Variants in PRKD1 observed in about 807,000 individuals in gnomAD.
The protein encoded by PRKD1 is protein kinase D1, also known as serine/threonine-protein kinase D1.
Under a neutral mutation model 95.9 loss-of-function variants are expected in PRKD1, and 63 were observed. The observed-to-expected ratio is 0.66, with a 90% confidence interval of 0.54 to 0.81. The LOEUF (loss-of-function observed/expected upper bound fraction) is 0.81. PRKD1 is among the 30% of genes least tolerant of loss of function. PRKD1 has a pLI of 0.00. For synonymous variants in PRKD1, 425 were observed against 423.1 expected (o/e 1.00, Z -0.05); for missense variants, 1,048 against 1,165.3 (o/e 0.90, Z 1.47).
At position 29,725,571 on chromosome 14, in the gene PRKD1, A is replaced by G. The variant is rs1213669408; in HGVS notation, c.368T>C (p.Ile123Thr). Residue 123 changes from isoleucine to threonine, a missense_variant, in exon 2 of 18, where the codon ATC becomes ACC. Physicochemically the swap from Ile to Thr is moderately conservative, Grantham distance 89. Around this residue, in one of 3 missense-constraint regions of PRKD1, gnomAD observed 275 missense variants for 248.6 expected, o/e 1.11. Transcript: ENST00000331968. The part of the protein sequence containing the change: ...ILQLVKAASD[I>T]QEGDLIEVVL... ...CACTTCAATAAGATCGCCTTCCTGG[A>G]TATCACTGGCCGCTTTCACCAGCTG... 1.9e-6 allele frequency: 3 copies of G among 1,613,826 alleles called. No individual in the cohort carries two copies. The Admixed American group carries it at 5.0e-5, about 27-fold the overall frequency.
At chr14:29,733,381 T>G (rs1329329077) in intron 1 of PRKD1, among the ~76,000 whole-genome samples, 3 of 151,986 alleles carry the variant, frequency 2.0e-5, no homozygotes, top group Non-Finnish European at 2.9e-5. Flanking sequence ...ATTACAGGAG[T>G]GAGCTACCGT....
At chr14:29,752,235 T>C (rs1442847816) in intron 1 of PRKD1, among the ~76,000 whole-genome samples, 6 of 152,210 alleles carry the variant, frequency 3.9e-5, no homozygotes, top group African/African-American at 1.4e-4. Flanking sequence ...ATACCTCTTA[T>C]ATCAATAAAA....
chr14:29,613,923 G>T (rs2139056709), intron 13 of PRKD1, among the ~76,000 whole-genome samples: 1 of 152,284 alleles, frequency 6.6e-6, no homozygotes, highest in South Asian at 2.1e-4. Context: ...GTTTACATTT[G>T]TATCCCTACT....
At chr14:29,909,778 T>C (rs1894637458) in intron 1 of PRKD1, among the ~76,000 whole-genome samples, 1 of 149,748 alleles carries the variant, frequency 6.7e-6, no homozygotes, top group Non-Finnish European at 1.5e-5. Context: ...ACTTGGAGAA[T>C]CTTTACGTCT....
intron 1 of PRKD1, among the ~76,000 whole-genome samples, chr14:29,869,690 C>A (rs926345662): frequency 2.0e-5 from 3 of 152,134 alleles, no homozygotes; most frequent in African/African-American, 7.2e-5. Flanking sequence ...GTGTGCCAAG[C>A]ACTATGCTAT....
At chr14:29,856,607 G>A (rs76698606) in intron 1 of PRKD1, among the ~76,000 whole-genome samples, 3,907 of 152,234 alleles carry the variant, frequency 0.026, 168 homozygotes, top group African/African-American at 0.09. Flanking sequence ...TCAATGTATC[G>A]TGAGTTCAAT....
chr14:29,678,494 G>A (rs1206961691), intron 2 of PRKD1, among the ~76,000 whole-genome samples: 3 of 152,048 alleles, frequency 2.0e-5, no homozygotes. Flanking sequence ...TTCTGAAACA[G>A]TTTCTGCTTG....
intron 1 of PRKD1, among the ~76,000 whole-genome samples, chr14:29,813,741 G>A (rs1890584201): frequency 6.6e-6 from 1 of 152,158 alleles, no homozygotes; most frequent in Non-Finnish European, 1.5e-5. Context: ...ACTCTGACCT[G>A]TTAAGTGAAC....
intron 12 of PRKD1, among the ~76,000 whole-genome samples, 187 bp downstream of exon 12, chr14:29,626,297 C>T (rs1879616635): frequency 6.6e-6 from 1 of 152,064 alleles, no homozygotes; most frequent in South Asian, 2.1e-4. Flanking sequence ...TCAAAACACA[C>T]ATATCCCAAT....
intron 1 of PRKD1, among the ~76,000 whole-genome samples, chr14:29,904,022 C>A (rs1433706867): frequency 1.3e-5 from 2 of 151,946 alleles, no homozygotes; most frequent in Non-Finnish European, 2.9e-5. Context: ...CTCTTTTGAA[C>A]CAATTATAAA....
At chr14:29,862,781 G>A (rs1308653114) in intron 1 of PRKD1, among the ~76,000 whole-genome samples, 1 of 151,892 alleles carries the variant, frequency 6.6e-6, no homozygotes, top group Non-Finnish European at 1.5e-5. Flanking sequence ...TTGTCAGATG[G>A]GTCATTTGCA....
At chr14:29,918,900 C>T (rs1894985293) in intron 1 of PRKD1, among the ~76,000 whole-genome samples, 1 of 152,160 alleles carries the variant, frequency 6.6e-6, no homozygotes, top group Non-Finnish European at 1.5e-5. Flanking sequence ...AACTAATTAT[C>T]AACAACACCA....
At chr14:29,765,900 A>C (rs1267640083) in intron 1 of PRKD1, among the ~76,000 whole-genome samples, 1 of 152,172 alleles carries the variant, frequency 6.6e-6, no homozygotes, top group African/African-American at 2.4e-5. Flanking sequence ...ATTATAACTG[A>C]AAAGGGAAAC....
intron 11 of PRKD1, among the ~76,000 whole-genome samples, chr14:29,626,976 G>A (rs1055989502): frequency 2.4e-4 from 36 of 152,082 alleles, no homozygotes; most frequent in Admixed American, 2.2e-3. Context: ...GCCTCCCAAG[G>A]TGCTGGGATT....
At chr14:29,831,597 T>C in intron 1 of PRKD1, among the ~76,000 whole-genome samples, 1 of 152,232 alleles carries the variant, frequency 6.6e-6, no homozygotes, top group African/African-American at 2.4e-5. Context: ...GCCTCCCAAG[T>C]AGCTGGGATT....
chr14:29,577,337 G>C lies in PRKD1; in HGVS notation c.2640C>G (p.Tyr880Ter), dbSNP rs922428120. Reference protein sequence around the residue: ...EKYAGEQGLQYPTHLINPSAS... With the variant: ...EKYAGEQGLQ ...CACTTGGATTGATCAGGTGTGTGGG[G>C]TACTGCAGCCCCTGCTCGCCTGCAT... The change falls in exon 18 of 18, where the codon TAC becomes TAG. Residue 880 changes from tyrosine (Y) to a stop codon, truncating the protein, a stop_gained. Transcript: ENST00000331968. LOFTEE classifies it high-confidence loss of function. The C allele has an allele frequency of 1.9e-6, 3 of 1,613,708 alleles. No individual in the cohort carries two copies. The African/African-American group carries it at 4.0e-5, about 22-fold the overall frequency.
intron 1 of PRKD1, among the ~76,000 whole-genome samples, chr14:29,798,834 A>T (rs1039915386): frequency 1.3e-5 from 2 of 152,240 alleles, no homozygotes; most frequent in African/African-American, 4.8e-5. Context: ...TTCACAAAAA[A>T]ATTCAATAAT....
At chr14:29,892,905 A>G (rs1340378486) in intron 1 of PRKD1, among the ~76,000 whole-genome samples, 2 of 152,222 alleles carry the variant, frequency 1.3e-5, no homozygotes, top group Non-Finnish European at 2.9e-5. Context: ...ACAGGCATCA[A>G]ACTTATGTTG....
intron 1 of PRKD1, among the ~76,000 whole-genome samples, chr14:29,898,570 C>T (rs1457354769): frequency 6.6e-6 from 1 of 151,990 alleles, no homozygotes; most frequent in Non-Finnish European, 1.5e-5. Flanking sequence ...TGTCACTTTA[C>T]TTAGCTATTA....
Sources: gnomAD v4.1 joint callset for allele counts (sites outside exome capture counted in the v4.1 genomes callset) on GRCh38, gnomAD v4.1.1 for gene constraint, gnomAD v4.1.1 regional missense constraint, MANE v1.5 for transcripts, NCBI Gene and HGNC (gene_info 2026-07-23, HGNC 2026-07-21) for gene names.